The following PCNX2 variants were observed in gnomAD, a reference collection of about 807,000 sequenced individuals.
PCNX2 encodes pecanex 2.
In PCNX2, 168 loss-of-function variants were observed where a neutral mutation model predicts 223.8. That is an observed-to-expected ratio of 0.75 (90% CI 0.66 to 0.85). The LOEUF is 0.85. PCNX2 is among the 40% of genes least tolerant of loss of function. The probability of loss-of-function intolerance (pLI) is 0.00; values close to 1 mark genes in which losing one functional copy is unlikely to be tolerated. For synonymous variants in PCNX2, 1,006 were observed against 1,052.6 expected (o/e 0.96, Z 0.86); for missense variants, 2,507 against 2,675.5 (o/e 0.94, Z 1.39).
chr1:233,129,223 C>G (rs1001293258), intron 21 of PCNX2, among the ~76,000 whole-genome samples: 12 of 152,156 alleles, frequency 7.9e-5, no homozygotes, highest in African/African-American at 2.4e-4. Context: ...CAGAGCGGCC[C>G]CGGGCAGTGA....
At chr1:233,111,649 C>T (rs1196667016) in intron 21 of PCNX2, among the ~76,000 whole-genome samples, 1 of 152,106 alleles carries the variant, frequency 6.6e-6, no homozygotes, top group Non-Finnish European at 1.5e-5. Flanking sequence ...AGCGATCTGC[C>T]CACCTCGGCC....
At position 233,001,730 on chromosome 1, in the gene PCNX2, A is replaced by G. The variant is rs145216974; in HGVS notation, c.4953-49T>C. 1 of 1,443,544 alleles carries G rather than the reference A, an allele frequency of 6.9e-7. No individual in the cohort carries two copies. The highest frequency in any genetic ancestry group is 9.2e-7 in the Non-Finnish European group (1 of 1,083,434). The allele number at this position is 1,443,544 out of a possible 1,614,324, so 89.4% of individuals were successfully genotyped here. A position where few individuals can be genotyped will look rare whatever the true frequency, so the allele number is the denominator to read the frequency against. On this transcript the variant is annotated intron_variant, in intron 28 of 33. Transcript: ENST00000258229. The surrounding 1 kb of genome is among the most constrained non-coding windows in gnomAD (Gnocchi z 4.2). Reference sequence around the variant, plus strand: ...ATGGAACAAATTTCAGAATCCTGTCATTGTGAGCAAAGTTTGAGTCTCCCA... The same window carrying G: ...ATGGAACAAATTTCAGAATCCTGTCGTTGTGAGCAAAGTTTGAGTCTCCCA...
At position 233,259,239 on chromosome 1, in the gene PCNX2, G is replaced by A. The variant is rs768602220; in HGVS notation, c.623C>T (p.Thr208Met). The change falls in exon 5 of 34, where the codon ACG (threonine) becomes ATG (methionine). Residue 208 changes from threonine to methionine, a missense_variant. By Grantham distance (81) the Thr-to-Met change is moderately conservative. This residue lies in a region of PCNX2 where 1,031 missense variants were observed against 1,021.7 expected (regional missense o/e 1.01). Coordinates refer to ENST00000258229, the MANE Select transcript of PCNX2 (RefSeq NM_014801.4). ...TTTTACAGGTATTACTGACTTGGTC[G>A]TGGTTTCCAGCATGTGTGCTTGAGA... Reference protein sequence around the residue: ...PASQAHMLETTTKSVIPVKPV... With the variant: ...PASQAHMLETMTKSVIPVKPV... The A allele has an allele frequency of 1.5e-5, 25 of 1,613,800 alleles. No individual in the cohort carries two copies. Among genetic ancestry groups the A allele is most frequent in the East Asian group, 1.3e-4 (6 of 44,890 alleles).
intron 17 of PCNX2, among the ~76,000 whole-genome samples, chr1:233,169,871 G>A (rs1446370730): frequency 1.4e-5 from 2 of 148,130 alleles, no homozygotes; most frequent in African/African-American, 2.5e-5. Context: ...TCATTTTCTT[G>A]CTTGAAAAAA....
At chr1:233,117,091 T>C (rs1217920211) in intron 21 of PCNX2, among the ~76,000 whole-genome samples, 4 of 152,120 alleles carry the variant, frequency 2.6e-5, no homozygotes, top group South Asian at 4.1e-4. Flanking sequence ...GAAAACCCAA[T>C]ATGAAATAGG....
chr1:233,277,232 C>T (rs376942281), intron 1 of PCNX2, among the ~76,000 whole-genome samples: 23 of 152,308 alleles, frequency 1.5e-4, no homozygotes, highest in African/African-American at 5.3e-4. Flanking sequence ...CCTTGAGGTC[C>T]TCCTTCAATC....
chr1:233,052,626 G>A (rs887165939), intron 25 of PCNX2, among the ~76,000 whole-genome samples: 2 of 152,100 alleles, frequency 1.3e-5, no homozygotes, highest in Admixed American at 1.3e-4. Context: ...CATTTCACAT[G>A]AGCTCCTTCC....
chr1:233,243,704 A>T (rs1658922826), intron 8 of PCNX2, among the ~76,000 whole-genome samples: 2 of 152,252 alleles, frequency 1.3e-5, no homozygotes, highest in Admixed American at 6.5e-5. Context: ...TGGTATATCA[A>T]GTCACAGTGC....
the PCNX2 span, among the ~76,000 whole-genome samples, chr1:233,307,046 T>A: frequency 6.6e-6 from 1 of 152,146 alleles, no homozygotes; most frequent in Non-Finnish European, 1.5e-5. Context: ...CAATAAAAAA[T>A]AGATAAAGAA....
At chr1:233,155,345 C>T (rs985512808) in intron 19 of PCNX2, among the ~76,000 whole-genome samples, 3 of 152,180 alleles carry the variant, frequency 2.0e-5, no homozygotes, top group African/African-American at 7.2e-5. Flanking sequence ...TACGGTGACA[C>T]AGCCATAGGC....
intron 21 of PCNX2, among the ~76,000 whole-genome samples, chr1:233,133,825 A>G (rs936423779): frequency 3.9e-5 from 6 of 152,222 alleles, no homozygotes; most frequent in African/African-American, 1.4e-4. Flanking sequence ...ATGCCACTGC[A>G]CTCCAGCCTG....
chr1:233,226,307 T>C (rs1657715513), intron 10 of PCNX2, among the ~76,000 whole-genome samples: 1 of 152,174 alleles, frequency 6.6e-6, no homozygotes, highest in African/African-American at 2.4e-5. Context: ...TTTGCTCTTG[T>C]TGTGCAGGCT....
chr1:233,175,662 G>C (rs745913364), intron 17 of PCNX2, among the ~76,000 whole-genome samples: 16 of 151,692 alleles, frequency 1.1e-4, no homozygotes, highest in Admixed American at 2.0e-4. Context: ...AAATATTAGA[G>C]GTCAGGTTGT....
At chr1:233,128,420 C>T (rs763732086) in intron 21 of PCNX2, among the ~76,000 whole-genome samples, 41 of 152,166 alleles carry the variant, frequency 2.7e-4, no homozygotes, top group East Asian at 7.8e-4. Flanking sequence ...TTGTAACCTC[C>T]GCCTCTGGGG....
intron 25 of PCNX2, chr1:233,031,973 G>A: frequency 2.0e-6 from 2 of 985,110 alleles, no homozygotes; most frequent in South Asian, 9.4e-5. Flanking sequence ...CAAACCCTAG[G>A]CTCCAGTGGG....
intron 1 of PCNX2, chr1:233,285,090 C>T (rs947790213): frequency 1.4e-5 from 12 of 866,420 alleles, no homozygotes; most frequent in African/African-American, 9.1e-5. Context: ...CAGTGGTTCA[C>T]GCCTGTAATC....
chr1:233,173,628 C>A lies in PCNX2; in HGVS notation c.3273+4174G>T, dbSNP rs190374584. Among the ~76,000 whole-genome samples the A allele has an allele frequency of 5.9e-5, 9 of 152,276 alleles. No individual in the cohort carries two copies. The East Asian group carries it at 1.7e-3, about 29-fold the overall frequency. ...GGAACTGTTTTGAATTATATGAAAC[C>A]TACAAATTCATTAGAAAGAATTGGC... On this transcript the variant is annotated intron_variant, in intron 17 of 33. Coordinates refer to ENST00000258229, the MANE Select transcript of PCNX2 (RefSeq NM_014801.4).
intron 25 of PCNX2, among the ~76,000 whole-genome samples, chr1:233,027,670 CAG>C (rs1330719272): frequency 2.0e-5 from 3 of 152,070 alleles, no homozygotes; most frequent in Non-Finnish European, 4.4e-5. Flanking sequence ...TGTAAAGGGC[CAG>C]AGAGTAAATA....
At chr1:233,078,461 T>C (rs1462555626) in intron 23 of PCNX2, among the ~76,000 whole-genome samples, 1 of 152,238 alleles carries the variant, frequency 6.6e-6, no homozygotes, top group Non-Finnish European at 1.5e-5. Context: ...TTGTTTAGAA[T>C]AAATCAGTTC....
Sources: gnomAD v4.1 joint callset for allele counts (sites outside exome capture counted in the v4.1 genomes callset) on GRCh38, gnomAD v4.1.1 for gene constraint, gnomAD v4.1.1 regional missense constraint, Gnocchi (gnomAD v3.1) non-coding constraint, MANE v1.5 for transcripts, NCBI Gene and HGNC (gene_info 2026-07-23, HGNC 2026-07-21) for gene names.